Variants in FBN1 observed in about 807,000 individuals in gnomAD.
The protein encoded by FBN1 is fibrillin-1.
Under a neutral mutation model 365.1 loss-of-function variants are expected in FBN1, and 29 were observed. That is an observed-to-expected ratio of 0.08 (90% CI 0.06 to 0.11). The LOEUF (loss-of-function observed/expected upper bound fraction) is 0.11, where lower values mean the gene tolerates loss of function less well. Ranked by LOEUF, FBN1 falls within the 10% of genes least tolerant of loss-of-function variation. FBN1 has a pLI of 1.00. For missense variants in FBN1, 2,476 were observed against 3,703.2 expected (o/e 0.67, Z 8.60); for synonymous variants, 1,210 against 1,270.5 (o/e 0.95, Z 1.01).
intron 5 of FBN1, among the ~76,000 whole-genome samples, chr15:48,599,108 G>A (rs1025930920): frequency 2.6e-5 from 4 of 152,110 alleles, no homozygotes; most frequent in Non-Finnish European, 4.4e-5. Flanking sequence ...GGCCAGTCTT[G>A]GGTATGTCTT....
chr15:48,429,071 T>C (rs1176170056), intron 56 of FBN1, among the ~76,000 whole-genome samples: 2 of 151,418 alleles, frequency 1.3e-5, no homozygotes, highest in Non-Finnish European at 2.9e-5. Context: ...GCATTTTATA[T>C]ACTTAAACAT....
chr15:48,437,241 A>T, intron 52 of FBN1, 81 bp downstream of exon 52: 2 of 1,376,428 alleles, frequency 1.5e-6, no homozygotes, highest in Non-Finnish European at 2.1e-6. Context: ...TCCAAGATAG[A>T]TGGAGAAAAA....
chr15:48,630,731 C>CAAAAAAAAAAAAA (rs11393587), intron 2 of FBN1, among the ~76,000 whole-genome samples: 2 of 111,072 alleles, frequency 1.8e-5, no homozygotes, highest in East Asian at 2.7e-4. Context: ...GACTCCATCT[C>CAAAAAAAAAAAAA]AAAAAAAAAA....
chr15:48,626,192 G>A (rs1376937846), intron 2 of FBN1, among the ~76,000 whole-genome samples: 2 of 151,476 alleles, frequency 1.3e-5, no homozygotes, highest in Admixed American at 1.3e-4. Flanking sequence ...AGGAGGTTGA[G>A]GCTAGAGTGA....
At chr15:48,536,392 T>TG (rs2044014247) in intron 7 of FBN1, among the ~76,000 whole-genome samples, 1 of 151,924 alleles carries the variant, frequency 6.6e-6, no homozygotes, top group Admixed American at 6.6e-5. Context: ...AATGGGTCAC[T>TG]GATGGGCAGC....
chr15:48,447,677 A>T (rs1179664432), intron 46 of FBN1, among the ~76,000 whole-genome samples: 1 of 152,102 alleles, frequency 6.6e-6, no homozygotes, highest in Non-Finnish European at 1.5e-5. Flanking sequence ...AGAGAGAGAG[A>T]GAGTGGAAGG....
At chr15:48,598,533 T>G (rs373855328) in intron 5 of FBN1, among the ~76,000 whole-genome samples, 32 of 152,254 alleles carry the variant, frequency 2.1e-4, no homozygotes, top group African/African-American at 7.7e-4. Flanking sequence ...TTACTTCCTT[T>G]CCCCTCACTC....
intron 6 of FBN1, among the ~76,000 whole-genome samples, chr15:48,595,875 G>A (rs2044511404): frequency 6.6e-6 from 1 of 152,128 alleles, no homozygotes; most frequent in Admixed American, 6.5e-5. Context: ...CAGATCTTTA[G>A]GTGTGCTTTT....
chr15:48,535,118 G>A (rs949027487), intron 7 of FBN1, among the ~76,000 whole-genome samples: 5 of 152,094 alleles, frequency 3.3e-5, no homozygotes, highest in African/African-American at 1.2e-4. Context: ...CATGGCCCAC[G>A]ATGTCTCATC....
At chr15:48,591,012 T>C (rs1423562809) in intron 6 of FBN1, among the ~76,000 whole-genome samples, 1 of 152,216 alleles carries the variant, frequency 6.6e-6, no homozygotes, top group African/African-American at 2.4e-5. Flanking sequence ...ATTCTGAGGA[T>C]ACATGATGAG....
chr15:48,415,409 GAATT>G, intron 64 of FBN1, 123 bp downstream of exon 64: 3 of 777,262 alleles, frequency 3.9e-6, no homozygotes, highest in Non-Finnish European at 4.4e-6. Flanking sequence ...AAGCTAACTG[GAATT>G]AATTTTAGGA....
intron 5 of FBN1, among the ~76,000 whole-genome samples, chr15:48,599,538 C>CAA (rs558669331): frequency 1.1e-3 from 145 of 137,632 alleles, no homozygotes; most frequent in African/African-American, 3.3e-3. Flanking sequence ...CTTAAAGTAA[C>CAA]AAAAAAAAAA....
intron 9 of FBN1, among the ~76,000 whole-genome samples, chr15:48,523,166 AT>A (rs2043875233): frequency 6.6e-6 from 1 of 152,280 alleles, no homozygotes; most frequent in Non-Finnish European, 1.5e-5. Context: ...AAACTGGCTT[AT>A]ATCCCAGCTT....
At chr15:48,592,076 G>C (rs1031886336) in intron 6 of FBN1, among the ~76,000 whole-genome samples, 1 of 152,178 alleles carries the variant, frequency 6.6e-6, no homozygotes, top group Non-Finnish European at 1.5e-5. Flanking sequence ...CAAGTACTCA[G>C]TACATGTCAG....
intron 58 of FBN1, among the ~76,000 whole-genome samples, chr15:48,427,225 G>C (rs2042985016): frequency 6.6e-6 from 1 of 152,168 alleles, no homozygotes; most frequent in African/African-American, 2.4e-5. Context: ...TGGTGGACTG[G>C]TTTGCACATT....
rs1418781732 is a variant in FBN1 at position 48,510,051 on chromosome 15, G to C, written c.1707C>G (p.Asn569Lys). The change falls in exon 14 of 66, where the codon AAC becomes AAG. Residue 569 changes from asparagine (N) to lysine (K), a missense_variant. Around this residue, in one of 5 missense-constraint regions of FBN1, gnomAD observed 1,780 missense variants for 2,840.8 expected, o/e 0.63. Coordinates refer to ENST00000316623, the MANE Select transcript of FBN1 (RefSeq NM_000138.5). ...AGFHVTRDGK[N>K]CEDMDECSIR... ...TTAGTATACTATTATTACCTTCACA[G>C]TTCTTCCCATCTCGTGTAACATGAA... is the stretch of plus-strand genomic sequence containing the variant. 1 of 1,613,132 alleles carries C rather than the reference G, an allele frequency of 6.2e-7. No homozygotes were observed. Among genetic ancestry groups the C allele is most frequent in the South Asian group, 1.1e-5 (1 of 91,056 alleles).
At chr15:48,562,475 C>T (rs1459211911) in intron 6 of FBN1, among the ~76,000 whole-genome samples, 1 of 152,096 alleles carries the variant, frequency 6.6e-6, no homozygotes, top group African/African-American at 2.4e-5. Flanking sequence ...AAATGGAATA[C>T]CCTTTTGTGC....
intron 51 of FBN1, 157 bp from the exon 52 acceptor site, chr15:48,437,544 C>G: frequency 1.2e-6 from 1 of 821,554 alleles, no homozygotes; most frequent in Non-Finnish European, 2.0e-6. Context: ...TAACGAGACT[C>G]CCTAAGATGT....
chr15:48,617,793 T>G (rs1889686168), intron 2 of FBN1, among the ~76,000 whole-genome samples: 1 of 152,218 alleles, frequency 6.6e-6, no homozygotes, highest in African/African-American at 2.4e-5. Context: ...ATTGCAAGAC[T>G]TGGCCTCTGT....
Sources: allele counts gnomAD v4.1 joint callset (sites outside exome capture counted in the v4.1 genomes callset), GRCh38; gene constraint gnomAD v4.1.1; regional missense constraint gnomAD v4.1.1; transcripts MANE v1.5; gene names NCBI Gene and HGNC (gene_info 2026-07-23, HGNC 2026-07-21).